SFXN5: variants seen among roughly 807,000 people sequenced by gnomAD.
SFXN5 encodes the protein sideroflexin 5.
A neutral mutation model predicts 50.2 loss-of-function variants in SFXN5; 43 were observed. The observed-to-expected ratio is 0.86, with a 90% CI of 0.67 to 1.11. The LOEUF is 1.11. Among genes scored for constraint, SFXN5 ranks in the 50% least tolerant of loss-of-function variants. The pLI, the probability that SFXN5 is intolerant of heterozygous loss-of-function variation, is 0.00. For synonymous variants in SFXN5, 203 were observed against 185.8 expected, an observed-to-expected ratio of 1.09 and a Z score of -0.75; for missense variants, 463 against 454.1, an observed-to-expected ratio of 1.02 and a Z score of -0.18.
intron 13 of SFXN5, among the ~76,000 whole-genome samples, chr2:72,948,786 G>A (rs1285560618): frequency 1.3e-5 from 2 of 152,196 alleles, no homozygotes; most frequent in Non-Finnish European, 2.9e-5. Context: ...AGGAGCAGGG[G>A]CCCCAGGACA....
chr2:73,071,660 C>T lies in SFXN5; in HGVS notation c.46G>A (p.Ala16Thr). 6.2e-7 allele frequency: 1 copy of T among 1,612,900 alleles called. No homozygotes were observed. The highest frequency in any genetic ancestry group is 8.5e-7 in the Non-Finnish European group (1 of 1,179,760). ...TTASAAAASA[A>T]SASSDAPPFQ... is the part of the protein sequence containing the mutation. ...GGAGGTGCATCGCTCGAGGCGCTAG[C>T]GGCACTAGCCGCCGCCGCCGATGCT... Residue 16 changes from alanine to threonine, a missense_variant, in exon 1 of 14, where the codon GCT becomes ACT. Coordinates refer to ENST00000272433, the MANE Select transcript of SFXN5 (RefSeq NM_144579.3).
At chr2:73,062,251 G>A (rs1682865115) in intron 1 of SFXN5, among the ~76,000 whole-genome samples, 1 of 152,214 alleles carries the variant, frequency 6.6e-6, no homozygotes, top group South Asian at 2.1e-4. Context: ...TATCTGGAAG[G>A]AAGGGTCTTC....
intron 7 of SFXN5, among the ~76,000 whole-genome samples, chr2:73,001,301 A>G (rs573921565): frequency 6.6e-6 from 1 of 152,338 alleles, no homozygotes; most frequent in East Asian, 1.9e-4. Context: ...TCCAAAGGTT[A>G]GAGTGACACA....
chr2:72,961,890 G>A lies in SFXN5; in HGVS notation c.828-642C>T, dbSNP rs1177402436. Among the ~76,000 whole-genome samples, 2 of 152,124 alleles carry A rather than the reference G, an allele frequency of 1.3e-5. No homozygotes were observed. The highest frequency in any genetic ancestry group is 1.9e-4 in the East Asian group (1 of 5,186). ...CTGCTGCCTGGACCCCTGGCTCCCC[G>A]AGGGTGCTGTCACCCCAGCTGGTCC... On this transcript the variant is annotated intron_variant, in intron 12 of 13. Coordinates refer to ENST00000272433, the MANE Select transcript of SFXN5 (RefSeq NM_144579.3). This position sits in a 1 kb window ranked among gnomAD's most constrained non-coding sequence, Gnocchi z 4.4.
intron 2 of SFXN5, among the ~76,000 whole-genome samples, chr2:73,046,278 A>G (rs1680308205): frequency 6.6e-6 from 1 of 151,924 alleles, no homozygotes; most frequent in Non-Finnish European, 1.5e-5. Flanking sequence ...GCATGGTGGC[A>G]CACACCTGTA....
intron 9 of SFXN5, among the ~76,000 whole-genome samples, chr2:72,991,012 T>TA (rs1254360967): frequency 6.6e-6 from 1 of 151,922 alleles, no homozygotes; most frequent in African/African-American, 2.4e-5. Flanking sequence ...TTTAAGAAGA[T>TA]ATAGGAAGTG....
intron 9 of SFXN5, chr2:72,994,794 C>T (rs545072846): frequency 4.6e-5 from 7 of 152,634 alleles, no homozygotes; most frequent in African/African-American, 1.4e-4. Context: ...ACTCATGGCA[C>T]CTCTTGACTG....
chr2:73,035,188 C>T (rs1454860472), intron 3 of SFXN5, among the ~76,000 whole-genome samples: 1 of 152,186 alleles, frequency 6.6e-6, no homozygotes, highest in East Asian at 1.9e-4. Context: ...AAGCATGCAG[C>T]GAGCGGTGGC....
Position 72,944,874 on chromosome 2 carries a change from C to T in SFXN5, c.*148G>A, listed in dbSNP as rs779214535. 1.9e-4 allele frequency: 120 copies of T among 637,638 alleles called. No homozygotes were observed. Among genetic ancestry groups the T allele is most frequent in the Middle Eastern group, 3.8e-4 (1 of 2,620 alleles). 39.5% of individuals were successfully genotyped at this position (637,638 alleles called of 1,614,324 possible). On this transcript the variant is annotated 3_prime_UTR_variant, in exon 14 of 14. Coordinates refer to ENST00000272433, the MANE Select transcript of SFXN5 (RefSeq NM_144579.3). Reference sequence around the variant, plus strand: ...TGTTAAAATGTGAATGGGTCAGTCTCCCTCCACTGTAGGTTGAGCACTCTC... The same window carrying T: ...TGTTAAAATGTGAATGGGTCAGTCTTCCTCCACTGTAGGTTGAGCACTCTC...
chr2:72,987,325 G>T (rs1332989664), intron 10 of SFXN5, among the ~76,000 whole-genome samples: 1 of 151,618 alleles, frequency 6.6e-6, no homozygotes. Flanking sequence ...GGCAAGGATG[G>T]TCTTGATCTC....
At chr2:73,030,657 T>C (rs948457085) in intron 3 of SFXN5, among the ~76,000 whole-genome samples, 1 of 139,614 alleles carries the variant, frequency 7.2e-6, no homozygotes, top group Non-Finnish European at 1.5e-5. Context: ...ATTCCTCCCT[T>C]CTCCAGCTCC....
Position 72,960,475 on chromosome 2 carries a change from G to C in SFXN5, c.945+656C>G, listed in dbSNP as rs1334431632. Among the ~76,000 whole-genome samples, 1 of 151,984 alleles carries C rather than the reference G, an allele frequency of 6.6e-6. No individual in the cohort carries two copies. Among genetic ancestry groups the C allele is most frequent in the Non-Finnish European group, 1.5e-5 (1 of 67,980 alleles). ...CAGCCTGGTCCAAGCCGCCATCACCGCTTGCTGGATGCCCGCCACAGGCTC... is the reference window on the plus strand; with the variant it reads ...CAGCCTGGTCCAAGCCGCCATCACCCCTTGCTGGATGCCCGCCACAGGCTC... On this transcript the variant is annotated intron_variant, in intron 13 of 13. Transcript: ENST00000272433. This position sits in a 1 kb window ranked among gnomAD's most constrained non-coding sequence, Gnocchi z 6.1.
At chr2:72,972,007 G>A (rs1195415080) in intron 10 of SFXN5, among the ~76,000 whole-genome samples, 1 of 152,216 alleles carries the variant, frequency 6.6e-6, no homozygotes, top group African/African-American at 2.4e-5. Flanking sequence ...CAAAGTGGGT[G>A]TCCATCTGGG....
In SFXN5 at chr2:73,044,246, G is replaced by A. The variant is rs147040881; in HGVS notation, c.172-3315C>T. Among the ~76,000 whole-genome samples the A allele has an allele frequency of 1.4e-3, 213 of 152,328 alleles. 1 individual carries two copies. The highest frequency in any genetic ancestry group is 4.7e-3 in the African/African-American group (195 of 41,566). ...CATCTTGGCAAAGGGCATGGGTTGC[G>A]GGAGAACAAGATCCAAGGTTCCTGC... On this transcript the variant is annotated intron_variant, in intron 2 of 13. Transcript: ENST00000272433.
intron 3 of SFXN5, among the ~76,000 whole-genome samples, chr2:73,036,003 A>AC (rs1428743913): frequency 1.3e-5 from 2 of 152,212 alleles, no homozygotes; most frequent in Non-Finnish European, 2.9e-5. Flanking sequence ...AGCACTGCCC[A>AC]CAACACCAGG....
rs1251712952 is a variant in SFXN5, at chr2:72,973,684, A to G, written c.626-1999T>C. Among the ~76,000 whole-genome samples the G allele has an allele frequency of 1.3e-5, 2 of 152,038 alleles. No individual in the cohort carries two copies. Among genetic ancestry groups the G allele is most frequent in the Non-Finnish European group, 2.9e-5 (2 of 68,002 alleles). On this transcript the variant is annotated intron_variant, in intron 10 of 13. Coordinates refer to ENST00000272433, the MANE Select transcript of SFXN5 (RefSeq NM_144579.3). The surrounding 1 kb of genome is among the most constrained non-coding windows in gnomAD (Gnocchi z 5.5). ...GCTTGGGTTCCAATTCTGGCTCCAT[A>G]TCTCTCCCGCCTCAGCCCCAGGCGC...
intron 2 of SFXN5, chr2:73,044,626 A>T (rs865940269): frequency 6.6e-6 from 1 of 152,616 alleles, no homozygotes; most frequent in Non-Finnish European, 1.5e-5. Context: ...GGCAGGGTGA[A>T]CTCCGCAGGA....
At chr2:73,022,878 T>C (rs751400308) in intron 4 of SFXN5, among the ~76,000 whole-genome samples, 7 of 152,218 alleles carry the variant, frequency 4.6e-5, no homozygotes, top group Non-Finnish European at 1.0e-4. Flanking sequence ...AACGGGATCG[T>C]GTCTACCTTG....
Position 72,960,699 on chromosome 2 carries a change from C to T in SFXN5, c.945+432G>A, listed in dbSNP as rs547536285. Reference sequence around the variant, plus strand: ...ATCACCTTGCTGCACTCCCTGGTTGCGCTGCAGACTTTGGTCAGCTCTTGG... The same window carrying T: ...ATCACCTTGCTGCACTCCCTGGTTGTGCTGCAGACTTTGGTCAGCTCTTGG... On this transcript the variant is annotated intron_variant, in intron 13 of 13. Transcript: ENST00000272433. The surrounding 1 kb of genome is among the most constrained non-coding windows in gnomAD (Gnocchi z 6.1). 4.6e-5 allele frequency among the ~76,000 whole-genome samples: 7 copies of T among 152,316 alleles called. No individual in the cohort carries two copies. The highest frequency in any genetic ancestry group is 3.3e-4 in the Admixed American group (5 of 15,304).
Sources: allele counts gnomAD v4.1 joint callset (sites outside exome capture counted in the v4.1 genomes callset), GRCh38; gene constraint gnomAD v4.1.1; non-coding constraint Gnocchi (gnomAD v3.1); transcripts MANE v1.5; gene names NCBI Gene and HGNC (gene_info 2026-07-23, HGNC 2026-07-21).